The following BMPR1A variants were observed in gnomAD, a reference collection of about 807,000 sequenced individuals.
The protein encoded by BMPR1A is bone morphogenetic protein receptor type 1A.
BMPR1A carries 7 observed loss-of-function variants against 66.0 expected under a neutral mutation model. The ratio of observed to expected loss-of-function variants is 0.11; its 90% CI spans 0.06 to 0.20. BMPR1A has a LOEUF of 0.20. Among genes scored for constraint, BMPR1A ranks in the 10% least tolerant of loss-of-function variants. The probability of loss-of-function intolerance (pLI) is 1.00; values close to 1 mark genes in which losing one functional copy is unlikely to be tolerated. For missense variants in BMPR1A, 408 were observed against 669.1 expected (o/e 0.61, Z 4.31); for synonymous variants, 200 against 229.7 (o/e 0.87, Z 1.17).
chr10:86,852,913 T>C (rs556771635), intron 2 of BMPR1A, among the ~76,000 whole-genome samples: 22 of 152,266 alleles, frequency 1.4e-4, no homozygotes, highest in Admixed American at 1.2e-3. Flanking sequence ...TGTGATAGAA[T>C]TGGGGCTTGA....
At chr10:86,895,708 T>G (rs1843215315) in intron 5 of BMPR1A, among the ~76,000 whole-genome samples, 1 of 152,162 alleles carries the variant, frequency 6.6e-6, no homozygotes. Flanking sequence ...TGAACTGATT[T>G]GTTTCAAAAG....
intron 1 of BMPR1A, among the ~76,000 whole-genome samples, chr10:86,770,905 G>A (rs962268944): frequency 6.6e-6 from 1 of 152,132 alleles, no homozygotes; most frequent in Non-Finnish European, 1.5e-5. Context: ...ATTACCTTAA[G>A]TTCCCATTAA....
intron 5 of BMPR1A, among the ~76,000 whole-genome samples, chr10:86,896,926 C>G (rs1040577480): frequency 6.6e-6 from 1 of 152,158 alleles, no homozygotes; most frequent in Non-Finnish European, 1.5e-5. Context: ...CAGCACTCAC[C>G]CAAGCACAGC....
At chr10:86,792,063 CT>C (rs35251758) in intron 1 of BMPR1A, among the ~76,000 whole-genome samples, 17,323 of 83,670 alleles carry the variant, frequency 0.21, 1,444 homozygotes, top group East Asian at 0.45. Flanking sequence ...ACTGTCAGAT[CT>C]TTTTTTTTTT....
intron 1 of BMPR1A, among the ~76,000 whole-genome samples, chr10:86,805,377 T>TACACACACACACACACACACACACACAC (rs60828047): frequency 9.1e-5 from 13 of 142,984 alleles, no homozygotes; most frequent in African/African-American, 3.4e-4. Context: ...CTCCTACCTG[T>TACACACACACACACACACACACACACAC]ACACACACAC....
intron 3 of BMPR1A, among the ~76,000 whole-genome samples, chr10:86,880,677 C>T (rs888314657): frequency 6.6e-6 from 1 of 152,182 alleles, no homozygotes; most frequent in Non-Finnish European, 1.5e-5. Context: ...CCTGTAACAA[C>T]CCAGTTGTAG....
Position 86,766,784 on chromosome 10 carries a change from A to G in BMPR1A, c.-268+9865A>G, listed in dbSNP as rs150386137. 2.5e-4 allele frequency among the ~76,000 whole-genome samples: 35 copies of G among 140,126 alleles called. 1 individual carries two copies. In the East Asian group the frequency reaches 7.2e-3, roughly 29 times the overall value. The allele number at this position is 140,126 out of a possible 152,430, so 91.9% of individuals were successfully genotyped here. A position where few individuals can be genotyped will look rare whatever the true frequency, so the allele number is the denominator to read the frequency against. ...TCACACCTGGCTAATTTTTTTTTGT[A>G]TTTTTAGTGGAGACGGGGTTTCACC... On this transcript the variant is annotated intron_variant, in intron 1 of 12. Transcript: ENST00000372037.
rs1398310245 is a variant in BMPR1A, at chr10:86,917,429, A to G, written c.868+103A>G. On this transcript the variant is annotated intron_variant, in intron 9 of 12. Transcript: ENST00000372037. ...TGAAAATGTGTGAGTTCAACTATAT[A>G]CATTTGGCTAAAGGAAACCTAGTAG... 24 of 1,387,596 alleles carry G rather than the reference A, an allele frequency of 1.7e-5. No individual in the cohort carries two copies. The South Asian group carries it at 2.7e-4, about 16-fold the overall frequency. The allele number at this position is 1,387,596 out of a possible 1,614,324, so 86.0% of individuals were successfully genotyped here.
chr10:86,888,400 G>T (rs976137713), intron 3 of BMPR1A, among the ~76,000 whole-genome samples: 2 of 152,068 alleles, frequency 1.3e-5, no homozygotes, highest in South Asian at 4.1e-4. Context: ...CCTGGGAGGC[G>T]GAGGTTGCAG....
chr10:86,866,415 T>TTTTTTTTTTA, intron 2 of BMPR1A, among the ~76,000 whole-genome samples: 1 of 132,340 alleles, frequency 7.6e-6, no homozygotes, highest in African/African-American at 3.0e-5. Flanking sequence ...TTTTTTTTTT[T>TTTTTTTTTTA]TTTTTTTTTT....
At chr10:86,909,176 T>C (rs1009112582) in intron 7 of BMPR1A, among the ~76,000 whole-genome samples, 6 of 152,172 alleles carry the variant, frequency 3.9e-5, no homozygotes, top group Non-Finnish European at 8.8e-5. Flanking sequence ...GATGGAAGTA[T>C]TTCTGTTTTG....
At chr10:86,770,198 G>A (rs115509591) in intron 1 of BMPR1A, among the ~76,000 whole-genome samples, 2,767 of 152,308 alleles carry the variant, frequency 0.018, 94 homozygotes, top group African/African-American at 0.063. Context: ...GGCTGAGGTG[G>A]CAGATTGGCT....
chr10:86,763,190 G>A (rs562062409), intron 1 of BMPR1A, among the ~76,000 whole-genome samples: 3 of 152,224 alleles, frequency 2.0e-5, no homozygotes, highest in East Asian at 1.9e-4. Flanking sequence ...CACTGCGCCC[G>A]GCCAGAAGTA....
At chr10:86,785,085 A>C (rs556062852) in intron 1 of BMPR1A, among the ~76,000 whole-genome samples, 2 of 151,898 alleles carry the variant, frequency 1.3e-5, no homozygotes, top group Non-Finnish European at 2.9e-5. Context: ...TTCTTCTTTG[A>C]GTCATTAGTT....
At chr10:86,821,972 TTTTG>T (rs1171011389) in intron 1 of BMPR1A, among the ~76,000 whole-genome samples, 1 of 151,968 alleles carries the variant, frequency 6.6e-6, no homozygotes, top group African/African-American at 2.4e-5. Context: ...CCCAGCTAAT[TTTTG>T]TATTTTTTGT....
In BMPR1A at chr10:86,923,691, T is replaced by C. The variant is rs1843703476; in HGVS notation, c.1571T>C (p.Met524Thr). The C allele has an allele frequency of 6.2e-7, 1 of 1,613,956 alleles. No homozygotes were observed. The highest frequency in any genetic ancestry group is 1.7e-5 in the Admixed American group (1 of 60,010). Reference sequence around the variant, plus strand: ...AGAATTAAGAAGACGCTTGCCAAGATGGTTGAATCCCAAGATGTAAAAATC... The same window carrying C: ...AGAATTAAGAAGACGCTTGCCAAGACGGTTGAATCCCAAGATGTAAAAATC... ...ALRIKKTLAK[M>T]VESQDVKI The change falls in exon 13 of 13, where the codon ATG becomes ACG. Residue 524 changes from methionine (M) to threonine (T), a missense_variant. Met to Thr is a moderately conservative substitution (Grantham distance 81). Around this residue, in one of 5 missense-constraint regions of BMPR1A, gnomAD observed 130 missense variants for 257.3 expected, o/e 0.51. Transcript: ENST00000372037.
intron 2 of BMPR1A, among the ~76,000 whole-genome samples, chr10:86,868,067 A>T (rs1246355755): frequency 6.6e-6 from 1 of 152,194 alleles, no homozygotes; most frequent in East Asian, 1.9e-4. Context: ...TATACAGTGG[A>T]ACTTCCCCAT....
intron 2 of BMPR1A, chr10:86,855,185 T>G (rs1842623830): frequency 7.2e-6 from 4 of 556,942 alleles, no homozygotes; most frequent in African/African-American, 3.9e-5. Flanking sequence ...ATTACAGGCG[T>G]GAGCCACCAC....
At chr10:86,857,860 G>A (rs930189838) in intron 2 of BMPR1A, among the ~76,000 whole-genome samples, 1 of 149,450 alleles carries the variant, frequency 6.7e-6, no homozygotes, top group Non-Finnish European at 1.5e-5. Flanking sequence ...GTCTTGCTAT[G>A]TTGACCAGGC....
Sources: allele counts gnomAD v4.1 joint callset (sites outside exome capture counted in the v4.1 genomes callset), GRCh38; gene constraint gnomAD v4.1.1; regional missense constraint gnomAD v4.1.1; transcripts MANE v1.5; gene names NCBI Gene and HGNC (gene_info 2026-07-23, HGNC 2026-07-21).